The following MAGT1 variants were observed in gnomAD, a reference collection of about 807,000 sequenced individuals.
The protein encoded by MAGT1 is dolichyl-diphosphooligosaccharide--protein glycosyltransferase subunit MAGT1.
A neutral mutation model predicts 28.4 loss-of-function variants in MAGT1; 4 were observed. The observed-to-expected ratio is 0.14, with a 90% confidence interval of 0.07 to 0.32. MAGT1 has a LOEUF of 0.32. MAGT1 is among the 10% of genes least tolerant of loss of function. The pLI is 1.00. For missense variants in MAGT1, 193 were observed against 264.5 expected (o/e 0.73, Z 1.88); for synonymous variants, 89 against 89.7 (o/e 0.99, Z 0.04).
intron 3 of MAGT1, among the ~76,000 whole-genome samples, chrX:77,866,213 G>A (rs2077008647): frequency 1.5e-5 from 1 of 65,170 alleles, no homozygotes; most frequent in Non-Finnish European, 4.1e-5. Flanking sequence ...CTGGAGTAAA[G>A]AGCACATGAA....
At chrX:77,878,289 CAAAAAAAAA>C (rs1205547369) in intron 1 of MAGT1, among the ~76,000 whole-genome samples, 1 of 15,070 alleles carries the variant, frequency 6.6e-5, no homozygotes, top group Non-Finnish European at 1.1e-4. Flanking sequence ...AACTCTGATG[CAAAAAAAAA>C]AAAAAAAAAA....
chrX:77,834,491 AC>A (rs1259423184), intron 8 of MAGT1, among the ~76,000 whole-genome samples: 2 of 106,038 alleles, frequency 1.9e-5, no homozygotes, highest in Non-Finnish European at 3.9e-5. Flanking sequence ...ACACCACCAC[AC>A]CTGGCTAATT....
At chrX:77,856,040 T>C (rs781953743) in intron 5 of MAGT1, among the ~76,000 whole-genome samples, 1 of 111,117 alleles carries the variant, frequency 9.0e-6, no homozygotes, top group Non-Finnish European at 1.9e-5. Flanking sequence ...AGATATGGGA[T>C]TATAGGTGTG....
At chrX:77,847,092 T>C (rs1052654651) in intron 7 of MAGT1, among the ~76,000 whole-genome samples, 1 of 112,252 alleles carries the variant, frequency 8.9e-6, no homozygotes, top group East Asian at 2.8e-4. Flanking sequence ...CAGTTCGAGC[T>C]TCCCGGCCAC....
chrX:77,834,570 G>C (rs890697635), intron 8 of MAGT1, among the ~76,000 whole-genome samples: 1 of 110,094 alleles, frequency 9.1e-6, no homozygotes, highest in Non-Finnish European at 1.9e-5. Context: ...CTGGCCTCAA[G>C]TGATCTGCCC....
chrX:77,837,348 C>T (rs1344406150), intron 8 of MAGT1: 5 of 111,724 alleles, frequency 4.5e-5, no homozygotes, highest in Non-Finnish European at 9.4e-5. Context: ...ATTAGCATGG[C>T]CCCTGTGCAA....
At chrX:77,851,013 C>T (rs181273338) in intron 7 of MAGT1, among the ~76,000 whole-genome samples, 7 of 106,273 alleles carry the variant, frequency 6.6e-5, no homozygotes, top group Admixed American at 2.0e-4. Context: ...CGCTCTGTTG[C>T]CCAGGCTGGA....
rs193252786 is a variant in MAGT1 at position 77,865,724 on chromosome X, T to C, written c.390+5084A>G. On this transcript the variant is annotated intron_variant, in intron 3 of 9. Coordinates refer to ENST00000618282, the MANE Select transcript of MAGT1 (RefSeq NM_001367916.1). Reference sequence around the variant, plus strand: ...AATACAAGAAAAGGAGTGACTCACTTTTTATCTGGAAAAGTTGAGAAAGCT... The same window carrying C: ...AATACAAGAAAAGGAGTGACTCACTCTTTATCTGGAAAAGTTGAGAAAGCT... 4.5e-3 allele frequency among the ~76,000 whole-genome samples: 500 copies of C among 112,211 alleles called. 6 individuals are homozygous for C. Among genetic ancestry groups the C allele is most frequent in the Non-Finnish European group, 5.5e-3 (291 of 53,256 alleles).
chrX:77,832,311 G>A (rs782510050), intron 8 of MAGT1, among the ~76,000 whole-genome samples: 1 of 111,190 alleles, frequency 9.0e-6, no homozygotes, highest in Non-Finnish European at 1.9e-5. Flanking sequence ...TAGGGCAGGG[G>A]TGTCCAATCT....
At chrX:77,840,719 C>T (rs2076932556) in intron 8 of MAGT1, among the ~76,000 whole-genome samples, 2 of 110,974 alleles carry the variant, frequency 1.8e-5, no homozygotes, top group Admixed American at 9.7e-5. Context: ...TGGCACATGC[C>T]TGTAGTCCCA....
At chrX:77,870,181 AT>A (rs2077017089) in intron 3 of MAGT1, among the ~76,000 whole-genome samples, 1 of 111,613 alleles carries the variant, frequency 9.0e-6, no homozygotes, top group South Asian at 3.7e-4. Flanking sequence ...GTTCTCACTT[AT>A]GAGTAGGAGT....
At chrX:77,885,801 G>A (rs1157633662) in intron 1 of MAGT1, among the ~76,000 whole-genome samples, 5 of 110,591 alleles carry the variant, frequency 4.5e-5, no homozygotes, top group African/African-American at 1.3e-4. Context: ...CCAACATGGT[G>A]AAACCCTGTC....
chrX:77,860,187 G>A (rs1399355643), intron 3 of MAGT1, among the ~76,000 whole-genome samples: 2 of 111,447 alleles, frequency 1.8e-5, no homozygotes, highest in Admixed American at 9.6e-5. Flanking sequence ...GGGTTCAAGC[G>A]ATCCTCCTGT....
rs1300411410 is a variant in MAGT1, at chrX:77,875,523, G to A, written c.177C>T (p.Asp59=). The A allele has an allele frequency of 1.7e-6, 2 of 1,206,362 alleles. No homozygotes were observed. The highest frequency in any genetic ancestry group is 2.2e-6 in the Non-Finnish European group (2 of 893,327). Residue 59 remains aspartate (D), a synonymous_variant, in exon 2 of 10, where the codon GAC becomes GAT. Transcript: ENST00000618282. ...NKRPVIRMNG[D]KFRRLVKAPP... is the part of the protein sequence containing the mutation. ...GGGCTTTCACAAGGCGACGGAACTT[G>A]TCTCCATTCATTCTTATTACAGGTC...
intron 7 of MAGT1, among the ~76,000 whole-genome samples, chrX:77,852,253 G>C (rs1350507732): frequency 8.9e-6 from 1 of 112,347 alleles, no homozygotes; most frequent in African/African-American, 3.2e-5. Context: ...TAATCTTTCA[G>C]CCCACCATTT....
At chrX:77,873,508 C>T (rs2077025324) in intron 2 of MAGT1, among the ~76,000 whole-genome samples, 1 of 111,797 alleles carries the variant, frequency 8.9e-6, no homozygotes, top group South Asian at 3.7e-4. Flanking sequence ...TTTTTAGTAT[C>T]CACCATTTTG....
Position 77,843,119 on chromosome X carries a change from T to C in MAGT1, c.827-1799A>G, listed in dbSNP as rs188854981. Among the ~76,000 whole-genome samples the C allele has an allele frequency of 8.5e-3, 953 of 112,613 alleles. 9 individuals are homozygous for C. Among genetic ancestry groups the C allele is most frequent in the African/African-American group, 0.029 (889 of 31,087 alleles). ...TGTTGTATGCTACCGCATGTGGGTA[T>C]CATTAAGCGGAAAGGGAAAAATATG... On this transcript the variant is annotated intron_variant, in intron 7 of 9. Transcript: ENST00000618282.
chrX:77,839,959 C>G (rs1557214256), intron 8 of MAGT1, among the ~76,000 whole-genome samples: 1 of 111,350 alleles, frequency 9.0e-6, no homozygotes, highest in Non-Finnish European at 1.9e-5. Flanking sequence ...AACAAACATT[C>G]TTAAATACCA....
At chrX:77,851,860 T>C (rs781819169) in intron 7 of MAGT1, among the ~76,000 whole-genome samples, 12 of 110,413 alleles carry the variant, frequency 1.1e-4, no homozygotes, top group African/African-American at 3.6e-4. Flanking sequence ...TTAAAAAAAA[T>C]AAAGTTTGAG....
Sources: gnomAD v4.1 joint callset for allele counts (sites outside exome capture counted in the v4.1 genomes callset) on GRCh38, gnomAD v4.1.1 for gene constraint, MANE v1.5 for transcripts, NCBI Gene and HGNC (gene_info 2026-07-23, HGNC 2026-07-21) for gene names.